NUFIP2: variants seen among roughly 807,000 people sequenced by gnomAD.
NUFIP2 encodes nuclear FMR1 interacting protein 2.
A neutral mutation model predicts 56.9 loss-of-function variants in NUFIP2; 6 were observed. The observed-to-expected ratio is 0.11, with a 90% CI of 0.06 to 0.21. The LOEUF (loss-of-function observed/expected upper bound fraction) is 0.21, where lower values mean the gene tolerates loss of function less well. Among genes scored for constraint, NUFIP2 ranks in the 10% least tolerant of loss-of-function variants. The probability of loss-of-function intolerance (pLI) is 1.00; values close to 1 mark genes in which losing one functional copy is unlikely to be tolerated. For missense variants in NUFIP2, 828 were observed against 826.8 expected, an observed-to-expected ratio of 1.00 and a Z score of -0.02; for synonymous variants, 321 against 298.2, an observed-to-expected ratio of 1.08 and a Z score of -0.79.
chr17:29,286,546 A>G lies in NUFIP2; in HGVS notation c.1448T>C (p.Leu483Ser), dbSNP rs766484859. Residue 483 changes from leucine (L) to serine (S), a missense_variant, in exon 2 of 4, where the codon TTG becomes TCG. Physicochemically the swap from Leu to Ser is moderately radical, Grantham distance 145. Transcript: ENST00000225388. ...GGGCAGATCCACTTGTGCTGTGCTC[A>G]ACAGCATAGTTTGCATATTTGAAGG... Reference protein sequence around the residue: ...IYPSNMQTMLLSTAQVDLPSQ... With the variant: ...IYPSNMQTMLSSTAQVDLPSQ... The G allele has an allele frequency of 2.5e-6, 4 of 1,614,142 alleles. No homozygotes were observed. The highest frequency in any genetic ancestry group is 2.5e-6 in the Non-Finnish European group (3 of 1,179,956).
At position 29,260,058 on chromosome 17, in the gene NUFIP2, T is replaced by C. The variant is rs1417095363; in HGVS notation, c.*4481A>G. 1 of 152,208 alleles carries C rather than the reference T, an allele frequency of 6.6e-6. No homozygotes were observed. Among genetic ancestry groups the C allele is most frequent in the Non-Finnish European group, 1.5e-5 (1 of 68,038 alleles). 9.4% of individuals were successfully genotyped at this position (152,208 alleles called of 1,614,324 possible). On this transcript the variant is annotated 3_prime_UTR_variant, in exon 4 of 4. Transcript: ENST00000225388. ...TTGGTGCTCTGTTGATTAATTACAT[T>C]AGTAAAAATAACATCGATATTAAGA...
Position 29,286,440 on chromosome 17 carries a change from G to A in NUFIP2, c.1554C>T (p.Gly518=). ...GLSFINEPSA[G]PETVTGKSSE... is the part of the protein sequence containing the mutation. ...ATGACTTCCCAGTAACAGTCTCAGG[G>A]CCAGCACTGGGCTCATTTATAAATG... Residue 518 remains glycine (G), a synonymous_variant, in exon 2 of 4, where the codon GGC becomes GGT. Transcript: ENST00000225388. 1.9e-6 allele frequency: 3 copies of A among 1,614,058 alleles called. No individual in the cohort carries two copies. Among genetic ancestry groups the A allele is most frequent in the Non-Finnish European group, 2.5e-6 (3 of 1,179,942 alleles).
At chr17:29,291,741 C>T (rs772298381) in intron 1 of NUFIP2, among the ~76,000 whole-genome samples, 1 of 152,216 alleles carries the variant, frequency 6.6e-6, no homozygotes, top group Non-Finnish European at 1.5e-5. Context: ...ATCTTTTGAA[C>T]AAGATCTAAT....
At chr17:29,278,608 A>G (rs202143182) in intron 2 of NUFIP2, among the ~76,000 whole-genome samples, 1 of 20,540 alleles carries the variant, frequency 4.9e-5, no homozygotes, top group African/African-American at 3.3e-4. Flanking sequence ...TATGATAGTA[A>G]TAGCTTGGAA....
chr17:29,279,717 G>A (rs1361116885), intron 2 of NUFIP2, among the ~76,000 whole-genome samples: 8 of 152,102 alleles, frequency 5.3e-5, no homozygotes, highest in Admixed American at 5.2e-4. Flanking sequence ...GACTTGCTAT[G>A]TTGCCCAGGC....
chr17:29,292,366 G>GT (rs1443352247), intron 1 of NUFIP2, among the ~76,000 whole-genome samples: 1 of 151,112 alleles, frequency 6.6e-6, no homozygotes, highest in South Asian at 2.1e-4. Context: ...AGCTCAGAAG[G>GT]TAAGTGCTGG....
chr17:29,290,348 T>C (rs965972446), intron 1 of NUFIP2, among the ~76,000 whole-genome samples: 38 of 152,082 alleles, frequency 2.5e-4, no homozygotes, highest in Admixed American at 1.3e-4. Flanking sequence ...TAGGATGTTT[T>C]CTAAAAGCTT....
chr17:29,279,746 C>T (rs1393318949), intron 2 of NUFIP2, among the ~76,000 whole-genome samples: 1 of 152,128 alleles, frequency 6.6e-6, no homozygotes, highest in African/African-American at 2.4e-5. Context: ...AACTCCTGAG[C>T]TCAAGTGATT....
intron 1 of NUFIP2, among the ~76,000 whole-genome samples, chr17:29,293,234 GC>G (rs774062341): frequency 1.3e-4 from 20 of 150,042 alleles, no homozygotes; most frequent in Non-Finnish European, 2.4e-4. Flanking sequence ...GGTCCCAACA[GC>G]CCCCCCCACC....
Position 29,259,467 on chromosome 17 carries a change from C to CTACATGGG in NUFIP2, c.*5064_*5071dup, listed in dbSNP as rs944032309. ...TGGTGGTGTGCGCCCGTAATCCCAG[C>CTACATGGG]TACATGGGAGGCTGAGGCAGGGGAA... On this transcript the variant is annotated 3_prime_UTR_variant, in exon 4 of 4. Transcript: ENST00000225388. The CTACATGGG allele has an allele frequency of 1.3e-5, 2 of 151,422 alleles. No homozygotes were observed. Among genetic ancestry groups the CTACATGGG allele is most frequent in the Admixed American group, 6.6e-5 (1 of 15,098 alleles). 9.4% of individuals were successfully genotyped at this position (151,422 alleles called of 1,614,324 possible). A position where few individuals can be genotyped will look rare whatever the true frequency, so the allele number is the denominator to read the frequency against.
intron 2 of NUFIP2, among the ~76,000 whole-genome samples, chr17:29,276,962 C>CTTT (rs1289881556): frequency 6.6e-6 from 1 of 152,144 alleles, no homozygotes; most frequent in African/African-American, 2.4e-5. Context: ...GCTAAAAGGG[C>CTTT]TAAAGCTAAC....
At chr17:29,291,529 G>A (rs949199797) in intron 1 of NUFIP2, among the ~76,000 whole-genome samples, 2 of 152,186 alleles carry the variant, frequency 1.3e-5, no homozygotes, top group Non-Finnish European at 2.9e-5. Flanking sequence ...TGTCAAAACT[G>A]CTAATTCCAG....
chr17:29,264,855 T>C (rs1212274673), intron 3 of NUFIP2, among the ~76,000 whole-genome samples: 1 of 152,168 alleles, frequency 6.6e-6, no homozygotes, highest in African/African-American at 2.4e-5. Context: ...GATGGTTGAG[T>C]TCACTTAAGG....
intron 1 of NUFIP2, among the ~76,000 whole-genome samples, chr17:29,288,431 A>C (rs764484135): frequency 2.0e-5 from 3 of 152,276 alleles, no homozygotes; most frequent in Non-Finnish European, 4.4e-5. Context: ...AGGAAATTAA[A>C]GACTTCATTT....
chr17:29,285,679 A>T (rs553219382), intron 2 of NUFIP2, among the ~76,000 whole-genome samples: 11 of 152,330 alleles, frequency 7.2e-5, no homozygotes, highest in South Asian at 2.1e-4. Context: ...TTTTTCAAGC[A>T]CTCAGTCAAG....
rs1226042702 is a variant in NUFIP2 at position 29,262,289 on chromosome 17, A to C, written c.*2250T>G. 6.6e-6 allele frequency: 1 copy of C among 152,652 alleles called. No individual in the cohort carries two copies. The highest frequency in any genetic ancestry group is 1.5e-5 in the Non-Finnish European group (1 of 68,032). The allele number at this position is 152,652 out of a possible 1,614,324, so 9.5% of individuals were successfully genotyped here. A position where few individuals can be genotyped will look rare whatever the true frequency, so the allele number is the denominator to read the frequency against. On this transcript the variant is annotated 3_prime_UTR_variant, in exon 4 of 4. Transcript: ENST00000225388. ...GCCCTAAGGCGACAAGTGGTTACAC[A>C]AGGCAATTGAACACACAGCAGAACT...
At chr17:29,293,242 C>A (rs1391845561) in intron 1 of NUFIP2, among the ~76,000 whole-genome samples, 2 of 151,622 alleles carry the variant, frequency 1.3e-5, no homozygotes, top group Middle Eastern at 3.2e-3. Context: ...CAGCCCCCCC[C>A]ACCGAGACGG....
intron 1 of NUFIP2, among the ~76,000 whole-genome samples, chr17:29,289,437 A>T (rs1249931711): frequency 2.0e-5 from 3 of 152,132 alleles, no homozygotes; most frequent in African/African-American, 4.8e-5. Flanking sequence ...TACTAAAAAT[A>T]CAAAATTGGC....
In NUFIP2 at chr17:29,294,071, G is replaced by A. The variant is rs536468257; in HGVS notation, c.-12C>T. On this transcript the variant is annotated 5_prime_UTR_variant, in exon 1 of 4. Coordinates refer to ENST00000225388, the MANE Select transcript of NUFIP2 (RefSeq NM_020772.3). ...GGCTTCTCCTCCATTGAAAGCGGCT[G>A]GGACTCCCTGGCTGAGGCTGCGGGC... 13 of 1,584,538 alleles carry A rather than the reference G, an allele frequency of 8.2e-6. No individual in the cohort carries two copies. In the East Asian group the frequency reaches 1.8e-4, roughly 22 times the overall value.
Sources: gnomAD v4.1 joint callset for allele counts (sites outside exome capture counted in the v4.1 genomes callset) on GRCh38, gnomAD v4.1.1 for gene constraint, MANE v1.5 for transcripts, NCBI Gene and HGNC (gene_info 2026-07-23, HGNC 2026-07-21) for gene names.